The following ANO3 variants were observed in gnomAD, a reference collection of about 807,000 sequenced individuals.
The protein encoded by ANO3 is anoctamin-3.
In ANO3, 99 loss-of-function variants were observed where a neutral mutation model predicts 144.8. The observed-to-expected ratio is 0.68, with a 90% CI of 0.58 to 0.81. ANO3 has a LOEUF of 0.81. ANO3 is among the 30% of genes least tolerant of loss of function. ANO3 has a pLI of 0.00. For synonymous variants in ANO3, 414 were observed against 392.6 expected, an observed-to-expected ratio of 1.05 and a Z score of -0.64; for missense variants, 905 against 1,202.2, an observed-to-expected ratio of 0.75 and a Z score of 3.66.
chr11:26,448,373 C>T (rs371620493), intron 3 of ANO3, among the ~76,000 whole-genome samples: 6 of 151,170 alleles, frequency 4.0e-5, no homozygotes, highest in African/African-American at 1.5e-4. Context: ...CCAACCCAAA[C>T]ACACATCTGT....
intron 18 of ANO3, among the ~76,000 whole-genome samples, chr11:26,631,656 G>C (rs562042291): frequency 2.0e-5 from 3 of 152,090 alleles, no homozygotes; most frequent in Admixed American, 6.5e-5. Context: ...ACTGACACTT[G>C]AGGAGTAAAA....
intron 1 of ANO3, among the ~76,000 whole-genome samples, chr11:26,291,236 C>CT (rs1016953465): frequency 6.1e-4 from 93 of 151,942 alleles, no homozygotes; most frequent in African/African-American, 2.2e-3. Context: ...GCAACCCTTG[C>CT]TTTTTTTTGT....
intron 1 of ANO3, among the ~76,000 whole-genome samples, chr11:26,189,813 T>C (rs1409779229): frequency 6.6e-6 from 1 of 152,222 alleles, no homozygotes; most frequent in East Asian, 1.9e-4. Context: ...TATGATCTGA[T>C]TTAGATTCTA....
chr11:26,599,597 G>C lies in ANO3; in HGVS notation c.1719G>C (p.Leu573=), dbSNP rs1038120287. ...TGTTTGGAGTTGTGGTGTACCGCCT[G>C]GTTGTCATGGAACAGTTTGCATCAT... ...TAVFGVVVYR[L]VVMEQFASFK... The change falls in exon 17 of 27, where the codon CTG becomes CTC. Residue 573 remains leucine (L), a synonymous_variant. Coordinates refer to ENST00000256737, the MANE Select transcript of ANO3 (RefSeq NM_031418.4). The C allele has an allele frequency of 2.5e-6, 4 of 1,613,928 alleles. No homozygotes were observed. The South Asian group carries it at 3.3e-5, about 13-fold the overall frequency.
At chr11:26,600,270 TCTCCC>T (rs1851755836) in intron 17 of ANO3, among the ~76,000 whole-genome samples, 1 of 31,554 alleles carries the variant, frequency 3.2e-5, no homozygotes, top group Non-Finnish European at 8.4e-5. Flanking sequence ...TCTCCTCTCC[TCTCCC>T]CTCCCCTTCC....
intron 3 of ANO3, among the ~76,000 whole-genome samples, chr11:26,445,362 T>G (rs1285431518): frequency 6.6e-6 from 1 of 152,246 alleles, no homozygotes; most frequent in Non-Finnish European, 1.5e-5. Context: ...AACCAATGTA[T>G]AGTTTAACAA....
At chr11:26,259,997 CAGTT>C (rs1853148611) in intron 1 of ANO3, among the ~76,000 whole-genome samples, 1 of 151,338 alleles carries the variant, frequency 6.6e-6, no homozygotes, top group Admixed American at 6.6e-5. Context: ...TTCATGCTGA[CAGTT>C]AGGGCCCTGT....
chr11:26,402,490 T>A (rs973370765), intron 1 of ANO3, among the ~76,000 whole-genome samples: 1 of 151,956 alleles, frequency 6.6e-6, no homozygotes, highest in Non-Finnish European at 1.5e-5. Flanking sequence ...AATTTTTTTT[T>A]CTTGTACATT....
At chr11:26,397,539 T>C (rs1055615607) in intron 1 of ANO3, among the ~76,000 whole-genome samples, 4 of 152,084 alleles carry the variant, frequency 2.6e-5, no homozygotes, top group African/African-American at 9.7e-5. Context: ...TGTCACAATA[T>C]TTTGTATAAT....
At chr11:26,472,701 G>A (rs1039492169) in intron 4 of ANO3, among the ~76,000 whole-genome samples, 2 of 151,794 alleles carry the variant, frequency 1.3e-5, no homozygotes, top group Admixed American at 1.3e-4. Context: ...TAAAATTGAG[G>A]CTCCTGTGCT....
intron 1 of ANO3, among the ~76,000 whole-genome samples, chr11:26,384,071 G>A (rs1173148147): frequency 3.8e-4 from 57 of 150,986 alleles, no homozygotes; most frequent in Admixed American, 3.8e-3. Flanking sequence ...GCTAATTTTT[G>A]AATTTTTAGT....
intron 2 of ANO3, 123 bp downstream of exon 2, chr11:26,442,235 G>A (rs1433968125): frequency 6.4e-6 from 6 of 937,892 alleles, no homozygotes; most frequent in African/African-American, 3.3e-5. Context: ...GGCTGGCATA[G>A]AAAGGAGACC....
At chr11:26,600,756 C>G (rs1192861536) in intron 17 of ANO3, among the ~76,000 whole-genome samples, 1 of 151,482 alleles carries the variant, frequency 6.6e-6, no homozygotes, top group Non-Finnish European at 1.5e-5. Context: ...TTGTCATAGT[C>G]TGGCATGCTG....
At chr11:26,635,786 A>G (rs1336265587) in intron 20 of ANO3, among the ~76,000 whole-genome samples, 1 of 152,232 alleles carries the variant, frequency 6.6e-6, no homozygotes, top group Non-Finnish European at 1.5e-5. Flanking sequence ...GCATAGCAAT[A>G]AAACATAACA....
At chr11:26,613,215 T>C (rs1224838898) in intron 17 of ANO3, among the ~76,000 whole-genome samples, 1 of 152,132 alleles carries the variant, frequency 6.6e-6, no homozygotes, top group Non-Finnish European at 1.5e-5. Flanking sequence ...TCTCTGACTG[T>C]TATTTTAAAA....
At chr11:26,225,795 G>C (rs1188955765) in intron 1 of ANO3, among the ~76,000 whole-genome samples, 1 of 152,066 alleles carries the variant, frequency 6.6e-6, no homozygotes, top group Non-Finnish European at 1.5e-5. Flanking sequence ...CAAACTTCTG[G>C]AGTGAAGCAA....
chr11:26,339,669 G>A (rs1015267), intron 1 of ANO3, among the ~76,000 whole-genome samples: 51,924 of 151,976 alleles, frequency 0.34, 9,045 homozygotes, highest in African/African-American at 0.41. Context: ...ACTTGATCAT[G>A]GGTAGTTCCC....
chr11:26,339,604 C>G (rs1855298922), intron 1 of ANO3, among the ~76,000 whole-genome samples: 1 of 152,316 alleles, frequency 6.6e-6, no homozygotes, highest in African/African-American at 2.4e-5. Context: ...CCTTGCTCTA[C>G]ACCTTTTCCA....
intron 4 of ANO3, chr11:26,474,143 G>T: frequency 1.0e-6 from 1 of 971,082 alleles, no homozygotes; most frequent in Non-Finnish European, 1.2e-6. Context: ...GTTTAAAAGT[G>T]CATCAATCTA....
Sources: allele counts gnomAD v4.1 joint callset (sites outside exome capture counted in the v4.1 genomes callset), GRCh38; gene constraint gnomAD v4.1.1; transcripts MANE v1.5; gene names NCBI Gene and HGNC (gene_info 2026-07-23, HGNC 2026-07-21).